SMURF1: variants seen among roughly 807,000 people sequenced by gnomAD.
SMURF1 encodes the protein SMAD specific E3 ubiquitin protein ligase 1.
In SMURF1, 44 loss-of-function variants were observed where a neutral mutation model predicts 98.0. That is an observed-to-expected ratio of 0.45 (90% confidence interval 0.35 to 0.58). SMURF1 has a LOEUF of 0.58. SMURF1 is among the 20% of genes least tolerant of loss of function. The pLI is 0.00. For synonymous variants in SMURF1, 396 were observed against 374.9 expected (o/e 1.06, Z -0.65); for missense variants, 687 against 938.4 (o/e 0.73, Z 3.50).
intron 1 of SMURF1, among the ~76,000 whole-genome samples, chr7:99,143,473 T>C (rs1176169334): frequency 1.4e-4 from 12 of 87,750 alleles, no homozygotes. Context: ...AGGACGGAGA[T>C]GCGAGGGGGC....
At chr7:99,139,153 C>T (rs1408359405) in intron 1 of SMURF1, among the ~76,000 whole-genome samples, 1 of 152,192 alleles carries the variant, frequency 6.6e-6, no homozygotes, top group Non-Finnish European at 1.5e-5. Context: ...TATTTTGAAT[C>T]AATTGAGACA....
At chr7:99,093,596 C>T (rs118080198) in intron 1 of SMURF1, among the ~76,000 whole-genome samples, 1,743 of 151,102 alleles carry the variant, frequency 0.012, 15 homozygotes, top group Non-Finnish European at 0.017. Flanking sequence ...TGCAGTTTTA[C>T]GCCTATAATT....
intron 5 of SMURF1, among the ~76,000 whole-genome samples, chr7:99,056,863 C>T (rs1224374328): frequency 3.3e-5 from 5 of 151,120 alleles, no homozygotes; most frequent in South Asian, 2.1e-4. Flanking sequence ...ATTAGCCAGG[C>T]GTGGTGGCAC....
At chr7:99,034,449 T>C (rs1277419745) in intron 16 of SMURF1, among the ~76,000 whole-genome samples, 1 of 152,196 alleles carries the variant, frequency 6.6e-6, no homozygotes, top group Non-Finnish European at 1.5e-5. Context: ...GAAAAGTGAC[T>C]TGGTCAGGAA....
chr7:99,060,115 C>A (rs151176872), intron 3 of SMURF1, among the ~76,000 whole-genome samples: 1 of 151,914 alleles, frequency 6.6e-6, no homozygotes, highest in African/African-American at 2.4e-5. Flanking sequence ...CAGTGGCTCA[C>A]GCCTGTAATC....
intron 1 of SMURF1, among the ~76,000 whole-genome samples, chr7:99,077,322 A>AT (rs1228778355): frequency 1.5e-4 from 22 of 150,190 alleles, no homozygotes; most frequent in Admixed American, 4.0e-4. Flanking sequence ...CTTTTTTTTT[A>AT]TTTTTTTTAT....
At chr7:99,090,766 T>C (rs189013013) in intron 1 of SMURF1, among the ~76,000 whole-genome samples, 3 of 152,312 alleles carry the variant, frequency 2.0e-5, no homozygotes, top group South Asian at 4.1e-4. Context: ...AGAATCTTTT[T>C]CTTAAAACAA....
At chr7:99,045,952 G>C in intron 10 of SMURF1, 151 bp from the exon 11 acceptor site, 2 of 627,910 alleles carry the variant, frequency 3.2e-6, no homozygotes, top group South Asian at 4.0e-5. Flanking sequence ...TCGGCATCTA[G>C]TATATTCCAT....
rs994309443 is a variant in SMURF1, at chr7:99,029,443, G to A, written c.*1141C>T. The A allele has an allele frequency of 2.6e-5, 4 of 152,192 alleles. No homozygotes were observed. Among genetic ancestry groups the A allele is most frequent in the East Asian group, 3.8e-4 (2 of 5,196 alleles). 9.4% of individuals were successfully genotyped at this position (152,192 alleles called of 1,614,324 possible). A position where few individuals can be genotyped will look rare whatever the true frequency, so the allele number is the denominator to read the frequency against. ...TGGGCAAGTGAACCGAGTAGCAATC[G>A]TTAGTGTCACCAGCTGCCACTGGGA... On this transcript the variant is annotated 3_prime_UTR_variant, in exon 18 of 18. Coordinates refer to ENST00000361368, the MANE Select transcript of SMURF1 (RefSeq NM_181349.3).
At chr7:99,050,949 C>A (rs1031637913) in intron 8 of SMURF1, 1 of 1,550,666 alleles carries the variant, frequency 6.4e-7, no homozygotes, top group East Asian at 2.4e-5. Flanking sequence ...AGAAGGAATT[C>A]GTATAGAAAA....
At chr7:99,042,454 T>TA (rs1795422983) in intron 11 of SMURF1, among the ~76,000 whole-genome samples, 1 of 152,172 alleles carries the variant, frequency 6.6e-6, no homozygotes. Flanking sequence ...CTGGATTTTT[T>TA]AGTAGAGACA....
chr7:99,060,221 A>T (rs1332558851), intron 3 of SMURF1, among the ~76,000 whole-genome samples: 1 of 151,908 alleles, frequency 6.6e-6, no homozygotes, highest in Non-Finnish European at 1.5e-5. Context: ...CTACTAAAAA[A>T]TACAAAAATT....
In SMURF1 at chr7:99,066,360, C is replaced by T. The variant is rs111237516; in HGVS notation, c.56-4523G>A. Among the ~76,000 whole-genome samples, 822 of 152,236 alleles carry T rather than the reference C, an allele frequency of 5.4e-3. 2 individuals carry two copies. The highest frequency in any genetic ancestry group is 8.4e-3 in the Non-Finnish European group (573 of 68,018). On this transcript the variant is annotated intron_variant, in intron 1 of 17. Coordinates refer to ENST00000361368, the MANE Select transcript of SMURF1 (RefSeq NM_181349.3). ...CTAGATTGCTTCTGAATAGAATAAT[C>T]CTGGTCACATGTCTCACAAATATTA...
At chr7:99,105,850 CAG>C (rs1464021063) in intron 1 of SMURF1, among the ~76,000 whole-genome samples, 16 of 152,202 alleles carry the variant, frequency 1.1e-4, no homozygotes, top group African/African-American at 3.4e-4. Flanking sequence ...TTCCAGTCCA[CAG>C]AGTGACTATC....
chr7:99,096,010 G>A (rs1563026535), intron 1 of SMURF1, among the ~76,000 whole-genome samples: 1 of 152,094 alleles, frequency 6.6e-6, no homozygotes, highest in Non-Finnish European at 1.5e-5. Flanking sequence ...TGGGGTCCTG[G>A]GGCATTACCT....
chr7:99,057,685 A>G (rs762679120), intron 3 of SMURF1, 134 bp from the exon 4 acceptor site: 62 of 1,052,750 alleles, frequency 5.9e-5, no homozygotes, highest in Non-Finnish European at 7.3e-5. Context: ...GCTCACTGCA[A>G]CTCCCAAGTT....
intron 3 of SMURF1, among the ~76,000 whole-genome samples, chr7:99,059,402 A>AAAAATAAAATAAAATAAAATAAAAT (rs59050463): frequency 6.5e-5 from 5 of 77,456 alleles, no homozygotes; most frequent in South Asian, 5.4e-4. Flanking sequence ...CATCTCAAAA[A>AAAAATAAAATAAAATAAAATAAAAT]AAAATAAAAT....
intron 1 of SMURF1, among the ~76,000 whole-genome samples, chr7:99,080,579 G>C (rs151302138): frequency 6.6e-6 from 1 of 152,192 alleles, no homozygotes; most frequent in African/African-American, 2.4e-5. Context: ...GATTACAGGC[G>C]TGAGCCACCA....
rs368273999 is a variant in SMURF1, at chr7:99,051,406, A to G, written c.757T>C (p.Leu253=). ...GTGCTAACTCCAGTCTGTGTATGCA[A>G]AAAGTAAACTTGGCCCTGGACTGTT... ...RTTVQGQVYF[L]HTQTGVSTWH... is the part of the protein sequence containing the mutation. The change falls in exon 8 of 18, where the codon TTG becomes CTG. Residue 253 remains leucine, a synonymous_variant. Coordinates refer to ENST00000361368, the MANE Select transcript of SMURF1 (RefSeq NM_181349.3). 8.7e-6 allele frequency: 14 copies of G among 1,614,072 alleles called. No individual in the cohort carries two copies. Among genetic ancestry groups the G allele is most frequent in the Non-Finnish European group, 1.2e-5 (14 of 1,180,046 alleles).
Sources: gnomAD v4.1 joint callset for allele counts (sites outside exome capture counted in the v4.1 genomes callset) on GRCh38, gnomAD v4.1.1 for gene constraint, MANE v1.5 for transcripts, NCBI Gene and HGNC (gene_info 2026-07-23, HGNC 2026-07-21) for gene names.